Variants in XPO6 observed in about 807,000 individuals in gnomAD.
The protein encoded by XPO6 is exportin 6.
Under a neutral mutation model 130.0 loss-of-function variants are expected in XPO6, and 3 were observed. The observed-to-expected ratio is 0.02, with a 90% CI of 0.01 to 0.06. XPO6 has a LOEUF of 0.06. XPO6 is among the 10% of genes least tolerant of loss of function. The pLI is 1.00. For missense variants in XPO6, 970 were observed against 1,393.0 expected, an observed-to-expected ratio of 0.70 and a Z score of 4.83; for synonymous variants, 524 against 548.9, an observed-to-expected ratio of 0.95 and a Z score of 0.63.
rs559755521 is a variant in XPO6, at chr16:28,211,397, A to T, written c.-29T>A. 7.2e-5 allele frequency: 95 copies of T among 1,312,190 alleles called. 1 individual carries two copies. In the Admixed American group the frequency reaches 1.1e-3, roughly 15 times the overall value. 81.3% of individuals were successfully genotyped at this position (1,312,190 alleles called of 1,614,324 possible). Reference sequence around the variant, plus strand: ...GGCCGGGGAGGGGGCGGCTCAGATGAGCTGGTTCTTGGGCTTCGGACACGT... The same window carrying T: ...GGCCGGGGAGGGGGCGGCTCAGATGTGCTGGTTCTTGGGCTTCGGACACGT... On this transcript the variant is annotated 5_prime_UTR_variant, in exon 1 of 24. Coordinates refer to ENST00000304658, the MANE Select transcript of XPO6 (RefSeq NM_015171.4).
intron 12 of XPO6, among the ~76,000 whole-genome samples, chr16:28,128,218 G>C (rs1186914154): frequency 1.3e-5 from 2 of 152,096 alleles, no homozygotes; most frequent in Non-Finnish European, 2.9e-5. Flanking sequence ...TCTAAAACCT[G>C]CTCCTCCTCT....
intron 13 of XPO6, among the ~76,000 whole-genome samples, chr16:28,124,827 T>C (rs1373831903): frequency 6.6e-6 from 1 of 152,214 alleles, no homozygotes; most frequent in Non-Finnish European, 1.5e-5. Context: ...AAGTCTGGCA[T>C]GCATGCACCC....
intron 7 of XPO6, chr16:28,153,838 G>A (rs2043137435): frequency 1.0e-6 from 1 of 985,224 alleles, no homozygotes; most frequent in Admixed American, 6.1e-5. Context: ...AATAATAAAA[G>A]CAGAGAAAAC....
Position 28,112,989 on chromosome 16 carries a change from C to T in XPO6, c.2066G>A (p.Arg689Gln), listed in dbSNP as rs1047051017. ...HLLVSLATTV[R>Q]PVFLISIPAV... is the part of the protein sequence containing the mutation. ...AGGGATGCTGATCAGAAAGACGGGCCGCACGGTGGTGGCCAGTGAGACCAG... is the reference window on the plus strand; with the variant it reads ...AGGGATGCTGATCAGAAAGACGGGCTGCACGGTGGTGGCCAGTGAGACCAG... The change falls in exon 16 of 24, where the codon CGG becomes CAG. Residue 689 changes from arginine to glutamine, a missense_variant. This residue lies in a region of XPO6 where 936 missense variants were observed against 1,306.8 expected (regional missense o/e 0.72). Coordinates refer to ENST00000304658, the MANE Select transcript of XPO6 (RefSeq NM_015171.4). The T allele has an allele frequency of 1.2e-6, 2 of 1,614,118 alleles. No individual in the cohort carries two copies. The highest frequency in any genetic ancestry group is 1.1e-5 in the South Asian group (1 of 91,066).
At chr16:28,192,979 G>A (rs2043808767) in intron 1 of XPO6, among the ~76,000 whole-genome samples, 1 of 152,100 alleles carries the variant, frequency 6.6e-6, no homozygotes, top group Non-Finnish European at 1.5e-5. Flanking sequence ...GGCACTGTGG[G>A]CAAACCCCGC....
At position 28,164,888 on chromosome 16, in the gene XPO6, G is replaced by A. The variant is rs146700785; in HGVS notation, c.643+1620C>T. Among the ~76,000 whole-genome samples the A allele has an allele frequency of 1.8e-3, 271 of 152,268 alleles. 2 individuals carry two copies. Among genetic ancestry groups the A allele is most frequent in the African/African-American group, 5.7e-3 (236 of 41,526 alleles). On this transcript the variant is annotated intron_variant, in intron 6 of 23. Transcript: ENST00000304658. The stretch of plus-strand genomic sequence containing the variant: ...GCTGTTGCTAATAAACCATGCTAGC[G>A]AGTATTCAACTGTCTAAAATAAATC...
intron 7 of XPO6, among the ~76,000 whole-genome samples, chr16:28,155,344 T>C (rs758041574): frequency 4.6e-5 from 7 of 152,134 alleles, no homozygotes; most frequent in Non-Finnish European, 1.0e-4. Flanking sequence ...AATTCCCTCC[T>C]GTTTTCATAC....
intron 9 of XPO6, among the ~76,000 whole-genome samples, chr16:28,139,548 T>C (rs1481453651): frequency 1.3e-5 from 2 of 152,158 alleles, no homozygotes; most frequent in Admixed American, 1.3e-4. Context: ...AAAATATGAA[T>C]GATGGGTACG....
At chr16:28,209,881 G>A (rs1026147474) in intron 1 of XPO6, among the ~76,000 whole-genome samples, 3 of 152,028 alleles carry the variant, frequency 2.0e-5, no homozygotes, top group Admixed American at 1.3e-4. Flanking sequence ...GCTCACGCCT[G>A]TAATCCCAGC....
chr16:28,121,517 CA>C (rs780436841), intron 14 of XPO6, among the ~76,000 whole-genome samples, 152 bp downstream of exon 14: 9 of 152,100 alleles, frequency 5.9e-5, no homozygotes, highest in Admixed American at 2.0e-4. Flanking sequence ...GACATATAGT[CA>C]AAAAAATCTC....
At chr16:28,146,424 T>C (rs1398910749) in intron 8 of XPO6, 1 of 475,634 alleles carries the variant, frequency 2.1e-6, no homozygotes, top group Non-Finnish European at 3.8e-6. Flanking sequence ...ATGAGGGAGA[T>C]ACTGTGCAGC....
In XPO6 at chr16:28,146,091, T is replaced by C. The variant is rs1223359998; in HGVS notation, c.1334+3A>G. 1 of 1,607,950 alleles carries C rather than the reference T, an allele frequency of 6.2e-7. No individual in the cohort carries two copies. On this transcript the variant is annotated splice_donor_region_variant and intron_variant, in intron 9 of 23. Transcript: ENST00000304658. ...TCTAGTTTTCAGTGTTTGAGGAGTT[T>C]ACCTGTTGAGAACTGCTTCCTTGTC...
intron 12 of XPO6, 61 bp from the exon 13 acceptor site, chr16:28,125,909 A>G: frequency 6.4e-7 from 1 of 1,562,952 alleles, no homozygotes; most frequent in Non-Finnish European, 8.7e-7. Context: ...TACTACAGAT[A>G]ACAGCTGGTC....
At chr16:28,135,776 T>G (rs1352912194) in intron 9 of XPO6, among the ~76,000 whole-genome samples, 1 of 152,198 alleles carries the variant, frequency 6.6e-6, no homozygotes, top group Non-Finnish European at 1.5e-5. Context: ...CTCTGCCTTT[T>G]TTAACAGGAG....
In XPO6 at chr16:28,111,971, G is replaced by C. The variant is rs1204792509; in HGVS notation, c.2187C>G (p.Ile729Met). ...QVLVCRALSN[I>M]LLLPWPNLPE... ...GAAGGTTTGGCCACGGAAGCAGCAA[G>C]ATGTTAGAGAGGGCTCGGCACACCA... Residue 729 changes from isoleucine to methionine, a missense_variant, in exon 17 of 24, where the codon ATC becomes ATG. Transcript: ENST00000304658. 6.2e-7 allele frequency: 1 copy of C among 1,613,870 alleles called. No homozygotes were observed. Among genetic ancestry groups the C allele is most frequent in the East Asian group, 2.2e-5 (1 of 44,872 alleles).
intron 1 of XPO6, among the ~76,000 whole-genome samples, chr16:28,197,964 TA>T (rs370727941): frequency 0.14 from 3,892 of 27,530 alleles, 229 homozygotes; most frequent in East Asian, 0.39. Flanking sequence ...CTAAGTTTAT[TA>T]AAAAAAAAAA....
chr16:28,114,752 T>A (rs557184641), intron 15 of XPO6, among the ~76,000 whole-genome samples: 1 of 152,228 alleles, frequency 6.6e-6, no homozygotes, highest in Non-Finnish European at 1.5e-5. Context: ...TCATGAAATA[T>A]TTCTCTGGAG....
chr16:28,146,120 A>C lies in XPO6; in HGVS notation c.1308T>G (p.Leu436=). 6.2e-7 allele frequency: 1 copy of C among 1,614,078 alleles called. No individual in the cohort carries two copies. Among genetic ancestry groups the C allele is most frequent in the Non-Finnish European group, 8.5e-7 (1 of 1,179,964 alleles). Residue 436 remains leucine, a synonymous_variant, in exon 9 of 24, where the codon CTT becomes CTG. Transcript: ENST00000304658. ...TGTTGAGAACTGCTTCCTTGTCTCC[A>C]AGACGACTTTTAATTTTACTTGTCA... ...DYLTSKIKSR[L]GDKEAVLNRY...
rs113210348 is a variant in XPO6, at chr16:28,156,552, C to T, written c.644-25G>A. On this transcript the variant is annotated intron_variant, in intron 6 of 23. Coordinates refer to ENST00000304658, the MANE Select transcript of XPO6 (RefSeq NM_015171.4). ...CCTGAAAATAAGAAAGGCTTTTAAG[C>T]TATCCAGCATCAAATCTCTTACAAA... The T allele has an allele frequency of 9.7e-5, 147 of 1,508,168 alleles. 2 individuals are homozygous for T. The African/African-American group carries it at 1.5e-3, about 15-fold the overall frequency. The allele number at this position is 1,508,168 out of a possible 1,614,324, so 93.4% of individuals were successfully genotyped here. A position where few individuals can be genotyped will look rare whatever the true frequency, so the allele number is the denominator to read the frequency against.
Sources: gnomAD v4.1 joint callset for allele counts (sites outside exome capture counted in the v4.1 genomes callset) on GRCh38, gnomAD v4.1.1 for gene constraint, gnomAD v4.1.1 regional missense constraint, MANE v1.5 for transcripts, NCBI Gene and HGNC (gene_info 2026-07-23, HGNC 2026-07-21) for gene names.